NRDC: variants seen among roughly 807,000 people sequenced by gnomAD.
NRDC encodes nardilysin convertase, also known as nardilysin.
In NRDC, 54 loss-of-function variants were observed where a neutral mutation model predicts 147.1. The observed-to-expected ratio is 0.37, with a 90% CI of 0.29 to 0.46. The LOEUF is 0.46. Among genes scored for constraint, NRDC ranks in the 20% least tolerant of loss-of-function variants. The pLI is 1.00. For missense variants in NRDC, 1,082 were observed against 1,370.6 expected, an observed-to-expected ratio of 0.79 and a Z score of 3.33; for synonymous variants, 440 against 482.1, an observed-to-expected ratio of 0.91 and a Z score of 1.14.
rs529262290 is a variant in NRDC at position 51,873,618 on chromosome 1, C to A, written c.341+4657G>T. On this transcript the variant is annotated intron_variant, in intron 1 of 30. Transcript: ENST00000352171. ...CTCTGCCTCCCAAGTTCAAGCGATTCCCCTGCCTCTGCCTCCCAAGTAGTT... is the reference window on the plus strand; with the variant it reads ...CTCTGCCTCCCAAGTTCAAGCGATTACCCTGCCTCTGCCTCCCAAGTAGTT... Among the ~76,000 whole-genome samples the A allele has an allele frequency of 6.6e-5, 10 of 151,820 alleles. No homozygotes were observed. In the South Asian group the frequency reaches 2.1e-3, roughly 32 times the overall value.
chr1:51,803,929 G>T lies in NRDC; in HGVS notation c.2198C>A (p.Thr733Lys). The change falls in exon 20 of 31, where the codon ACG (threonine) becomes AAG (lysine). Residue 733 changes from threonine to lysine, a missense_variant. Thr to Lys is a moderately conservative substitution (Grantham distance 78). This residue lies in a region of NRDC where 635 missense variants were observed against 923.8 expected (regional missense o/e 0.69). Coordinates refer to ENST00000352171, the MANE Select transcript of NRDC (RefSeq NM_001101662.2). ...ATAAGCTGGTTCCGCAAGGTTATGCGTAAGGATATTGACAAAGATATCAAA... is the reference window on the plus strand; with the variant it reads ...ATAAGCTGGTTCCGCAAGGTTATGCTTAAGGATATTGACAAAGATATCAAA... ...VLFDIFVNIL[T>K]HNLAEPAYEA... 3 of 1,611,628 alleles carry T rather than the reference G, an allele frequency of 1.9e-6. No homozygotes were observed. The highest frequency in any genetic ancestry group is 2.5e-6 in the Non-Finnish European group (3 of 1,178,792).
At chr1:51,845,175 T>G (rs1188645495) in intron 1 of NRDC, among the ~76,000 whole-genome samples, 1 of 152,220 alleles carries the variant, frequency 6.6e-6, no homozygotes, top group East Asian at 1.9e-4. Context: ...TGTTGTTTCC[T>G]AAACACTGCC....
In NRDC at chr1:51,789,391, G is replaced by A. The variant is rs1396851802; in HGVS notation, c.3301C>T (p.Pro1101Ser). The stretch of plus-strand genomic sequence containing the variant: ...GAAGAATTTGAATCCTCACTAGAAG[G>A]GGTACCATCCTCTTCCAGTTCATAC... ...GKYELEEDGTPSSEDSNSSCE... is the reference protein window; with the variant it reads ...GKYELEEDGTSSSEDSNSSCE... Residue 1101 changes from proline (P) to serine (S), a missense_variant, in exon 31 of 31, where the codon CCT (proline) becomes TCT (serine). Around this residue, in one of 3 missense-constraint regions of NRDC, gnomAD observed 187 missense variants for 193.6 expected, o/e 0.97. Transcript: ENST00000352171. 1.2e-6 allele frequency: 2 copies of A among 1,614,052 alleles called. No individual in the cohort carries two copies. Among genetic ancestry groups the A allele is most frequent in the Non-Finnish European group, 8.5e-7 (1 of 1,179,982 alleles).
At chr1:51,831,137 ATATTCT>A (rs987419359) in intron 4 of NRDC, among the ~76,000 whole-genome samples, 10 of 152,200 alleles carry the variant, frequency 6.6e-5, no homozygotes, top group African/African-American at 2.2e-4. Context: ...GTGTAAGGTG[ATATTCT>A]TAGATGCTGA....
intron 1 of NRDC, among the ~76,000 whole-genome samples, chr1:51,846,995 T>C (rs1209947858): frequency 6.9e-6 from 1 of 144,564 alleles, no homozygotes; most frequent in African/African-American, 2.4e-5. Flanking sequence ...AGAGTGCTGA[T>C]TGGTGCATTC....
chr1:51,818,243 G>T (rs1680060156), intron 9 of NRDC, 108 bp from the exon 10 acceptor site: 2 of 718,938 alleles, frequency 2.8e-6, no homozygotes, highest in African/African-American at 1.8e-5. Context: ...ACAAGGAAAG[G>T]TTAAGTACAA....
intron 1 of NRDC, among the ~76,000 whole-genome samples, chr1:51,875,321 T>G (rs1411972607): frequency 6.6e-6 from 1 of 152,212 alleles, no homozygotes; most frequent in African/African-American, 2.4e-5. Flanking sequence ...TGAAAAACAC[T>G]GCTGTTCTAA....
chr1:51,818,856 G>A (rs1479145943), intron 9 of NRDC, among the ~76,000 whole-genome samples: 1 of 152,140 alleles, frequency 6.6e-6, no homozygotes, highest in Non-Finnish European at 1.5e-5. Context: ...TTCACTGTAG[G>A]CAAATTGTTA....
At chr1:51,854,346 C>T (rs1319516971) in intron 1 of NRDC, among the ~76,000 whole-genome samples, 11 of 152,098 alleles carry the variant, frequency 7.2e-5, no homozygotes, top group African/African-American at 2.2e-4. Flanking sequence ...CCAGCCTGGG[C>T]GACAGAGCAA....
intron 1 of NRDC, among the ~76,000 whole-genome samples, chr1:51,876,906 C>T (rs189530147): frequency 6.6e-6 from 1 of 152,290 alleles, no homozygotes; most frequent in African/African-American, 2.4e-5. Flanking sequence ...AATCGGCAAA[C>T]GGGCTGGGCG....
intron 1 of NRDC, among the ~76,000 whole-genome samples, chr1:51,850,836 T>C (rs1354485218): frequency 6.6e-6 from 1 of 152,190 alleles, no homozygotes; most frequent in Non-Finnish European, 1.5e-5. Context: ...ATTTAAGGGT[T>C]AGTCACCTGG....
chr1:51,794,439 G>A (rs748693455), intron 24 of NRDC, 33 bp downstream of exon 24: 6 of 1,607,940 alleles, frequency 3.7e-6, no homozygotes, highest in Non-Finnish European at 5.1e-6. Flanking sequence ...CAGGCACTGG[G>A]CCTTCCGCCA....
At chr1:51,821,698 TA>T in intron 7 of NRDC, 143 bp from the exon 8 acceptor site, 1 of 607,248 alleles carries the variant, frequency 1.6e-6, no homozygotes, top group Non-Finnish European at 3.0e-6. Context: ...CCTGAACCAG[TA>T]ATGGATGAAC....
chr1:51,829,536 G>A (rs1165173464), intron 4 of NRDC, among the ~76,000 whole-genome samples: 2 of 152,136 alleles, frequency 1.3e-5, no homozygotes, highest in East Asian at 3.8e-4. Flanking sequence ...CCTTTTGGAA[G>A]TTATTAGACT....
chr1:51,837,694 GAATT>G, intron 2 of NRDC: 2 of 1,222,130 alleles, frequency 1.6e-6, no homozygotes, highest in South Asian at 4.5e-5. Context: ...CTTGAGAACT[GAATT>G]AAGAAAGCCC....
Position 51,836,085 on chromosome 1 carries a change from A to AG in NRDC, c.712+45dup, listed in dbSNP as rs759110605. 14 of 1,410,700 alleles carry AG rather than the reference A, an allele frequency of 9.9e-6. No homozygotes were observed. The East Asian group carries it at 1.6e-4, about 16-fold the overall frequency. The allele number at this position is 1,410,700 out of a possible 1,614,324, so 87.4% of individuals were successfully genotyped here. On this transcript the variant is annotated intron_variant, in intron 3 of 30. Transcript: ENST00000352171. ...TTGATATCAATTCATATAAGTTTGGAGGGGGGAAAAAAACACACCAGGAAT... is the reference window on the plus strand; with the variant it reads ...TTGATATCAATTCATATAAGTTTGGAGGGGGGGAAAAAAACACACCAGGAAT...
chr1:51,799,304 G>C (rs985735833), intron 21 of NRDC: 3 of 152,002 alleles, frequency 2.0e-5, no homozygotes, highest in African/African-American at 7.2e-5. Flanking sequence ...CCATCAATTC[G>C]TCATTTACAT....
At position 51,871,515 on chromosome 1, in the gene NRDC, TAAAAAAAAAAAAAA is replaced by T. The variant is rs60495773; in HGVS notation, c.341+6746_341+6759del. ...CAAGAATTCTCCTCCACTGGTTCAT[TAAAAAAAAAAAAAA>T]AAAAAAAAAAAAAAAAGCCACTATC... On this transcript the variant is annotated intron_variant, in intron 1 of 30. Coordinates refer to ENST00000352171, the MANE Select transcript of NRDC (RefSeq NM_001101662.2). 6.9e-3 allele frequency among the ~76,000 whole-genome samples: 145 copies of T among 21,026 alleles called. 3 individuals carry two copies. The South Asian group carries it at 0.27, about 38-fold the overall frequency. 13.8% of individuals were successfully genotyped at this position (21,026 alleles called of 152,430 possible). A position where few individuals can be genotyped will look rare whatever the true frequency, so the allele number is the denominator to read the frequency against.
At chr1:51,795,805 G>C (rs1445907930) in intron 22 of NRDC, 1 of 152,216 alleles carries the variant, frequency 6.6e-6, no homozygotes, top group African/African-American at 2.4e-5. Flanking sequence ...AAGAAATCTG[G>C]GCATCATTCT....
Sources: allele counts gnomAD v4.1 joint callset (sites outside exome capture counted in the v4.1 genomes callset), GRCh38; gene constraint gnomAD v4.1.1; regional missense constraint gnomAD v4.1.1; transcripts MANE v1.5; gene names NCBI Gene and HGNC (gene_info 2026-07-23, HGNC 2026-07-21).